The following MPPED2 variants were observed in gnomAD, a reference collection of about 807,000 sequenced individuals.
MPPED2 encodes metallophosphoesterase MPPED2.
A neutral mutation model predicts 33.0 loss-of-function variants in MPPED2; 5 were observed. The observed-to-expected ratio is 0.15, with a 90% CI of 0.08 to 0.32. The LOEUF (loss-of-function observed/expected upper bound fraction) is 0.32, where lower values mean the gene tolerates loss of function less well. Among genes scored for constraint, MPPED2 ranks in the 10% least tolerant of loss-of-function variants. The pLI, the probability that MPPED2 is intolerant of heterozygous loss-of-function variation, is 1.00. For synonymous variants in MPPED2, 136 were observed against 141.9 expected (o/e 0.96, Z 0.29); for missense variants, 275 against 372.1 (o/e 0.74, Z 2.15).
At chr11:30,417,417 T>A (rs1459931973) in intron 5 of MPPED2, 101 bp downstream of exon 5, 3 of 605,160 alleles carry the variant, frequency 5.0e-6, no homozygotes, top group Non-Finnish European at 8.7e-6. Context: ...TTCACTTTTT[T>A]TTTTTTTTTG....
intron 3 of MPPED2, among the ~76,000 whole-genome samples, chr11:30,535,745 G>A (rs1363997342): frequency 6.6e-6 from 1 of 152,132 alleles, no homozygotes; most frequent in Non-Finnish European, 1.5e-5. Context: ...GAGATGAGAT[G>A]GGTTTCAAAG....
chr11:30,549,130 G>C (rs937758231), intron 2 of MPPED2, among the ~76,000 whole-genome samples: 2 of 152,136 alleles, frequency 1.3e-5, no homozygotes, highest in African/African-American at 4.8e-5. Context: ...TTAACAGTTA[G>C]CTCCCATTCA....
intron 4 of MPPED2, chr11:30,451,915 A>C: frequency 1.0e-6 from 1 of 985,394 alleles, no homozygotes; most frequent in Non-Finnish European, 1.2e-6. Context: ...AAGTCATTTA[A>C]CCTTGATTTC....
In MPPED2 at chr11:30,411,404, T is replaced by A. The variant is rs1948096279; in HGVS notation, c.*64A>T. 1 of 1,526,788 alleles carries A rather than the reference T, an allele frequency of 6.5e-7. No individual in the cohort carries two copies. Among genetic ancestry groups the A allele is most frequent in the Non-Finnish European group, 8.8e-7 (1 of 1,130,410 alleles). The allele number at this position is 1,526,788 out of a possible 1,614,324, so 94.6% of individuals were successfully genotyped here. ...TTGTAAATAAGTAAGAGAATGTAAG[T>A]TTATAATTAGAAAAATGGCAGTTTA... is the stretch of plus-strand genomic sequence containing the variant. On this transcript the variant is annotated 3_prime_UTR_variant, in exon 7 of 7. Transcript: ENST00000358117.
In MPPED2 at chr11:30,450,062, T is replaced by G. The variant is rs191440180; in HGVS notation, c.537-32429A>C. ...ATTAAAAATATCAATTAAATCTGTA[T>G]GTTTTTTCTCCTACTAACCTTTCTA... is the stretch of plus-strand genomic sequence containing the variant. On this transcript the variant is annotated intron_variant, in intron 4 of 6. Transcript: ENST00000358117. 5.6e-3 allele frequency among the ~76,000 whole-genome samples: 856 copies of G among 152,378 alleles called. 6 individuals carry two copies. Among genetic ancestry groups the G allele is most frequent in the South Asian group, 9.7e-3 (47 of 4,828 alleles).
chr11:30,533,423 A>G (rs1954639804), intron 3 of MPPED2, among the ~76,000 whole-genome samples: 1 of 152,128 alleles, frequency 6.6e-6, no homozygotes, highest in Admixed American at 6.5e-5. Context: ...AGTGGACTCC[A>G]AATGCCTACC....
At chr11:30,389,374 C>A (rs1947743015) in intron 6 of MPPED2, among the ~76,000 whole-genome samples, 1 of 152,116 alleles carries the variant, frequency 6.6e-6, no homozygotes, top group Non-Finnish European at 1.5e-5. Context: ...AAGTGGCCAA[C>A]CCTTATATTT....
chr11:30,497,776 G>A (rs1020199938), intron 3 of MPPED2, among the ~76,000 whole-genome samples: 17 of 151,438 alleles, frequency 1.1e-4, no homozygotes, highest in Admixed American at 5.2e-4. Context: ...AGCATCTTTG[G>A]TGTCTTTTAA....
rs144230137 is a variant in MPPED2 at position 30,555,856 on chromosome 11, G to A, written c.129-19681C>T. Among the ~76,000 whole-genome samples the A allele has an allele frequency of 3.6e-3, 554 of 152,034 alleles. 1 individual carries two copies. The highest frequency in any genetic ancestry group is 0.011 in the African/African-American group (446 of 41,448). Reference sequence around the variant, plus strand: ...AAACAAATCCTCTGCACATTCCCCTGGAATCTCAAATTCTTCATTCCAGCC... The same window carrying A: ...AAACAAATCCTCTGCACATTCCCCTAGAATCTCAAATTCTTCATTCCAGCC... On this transcript the variant is annotated intron_variant, in intron 2 of 6. Coordinates refer to ENST00000358117, the MANE Select transcript of MPPED2 (RefSeq NM_001584.3).
At chr11:30,557,387 A>G (rs1440537956) in intron 2 of MPPED2, among the ~76,000 whole-genome samples, 1 of 151,934 alleles carries the variant, frequency 6.6e-6, no homozygotes, top group African/African-American at 2.4e-5. Context: ...ATTCAAATAT[A>G]CTTTGGAAAT....
intron 5 of MPPED2, among the ~76,000 whole-genome samples, chr11:30,417,086 G>A (rs1166407856): frequency 1.3e-5 from 2 of 152,118 alleles, no homozygotes; most frequent in Non-Finnish European, 2.9e-5. Flanking sequence ...AGGTCTTCCA[G>A]GTTCCAGCAT....
At position 30,411,466 on chromosome 11, in the gene MPPED2, C is replaced by T. The variant is rs765661508; in HGVS notation, c.*2G>A. 19 of 1,612,152 alleles carry T rather than the reference C, an allele frequency of 1.2e-5. No individual in the cohort carries two copies. The highest frequency in any genetic ancestry group is 1.6e-5 in the Non-Finnish European group (19 of 1,178,634). On this transcript the variant is annotated 3_prime_UTR_variant, in exon 7 of 7. Coordinates refer to ENST00000358117, the MANE Select transcript of MPPED2 (RefSeq NM_001584.3). ...TCACATTCCAATAGGGCATTTAGAG[C>T]TTCAGGAACCCTGTGGGTTTGGAAG...
chr11:30,410,380 C>G lies in MPPED2; in HGVS notation c.*1088G>C. 3 of 985,770 alleles carry G rather than the reference C, an allele frequency of 3.0e-6. No individual in the cohort carries two copies. Among genetic ancestry groups the G allele is most frequent in the Non-Finnish European group, 3.6e-6 (3 of 829,888 alleles). 61.1% of individuals were successfully genotyped at this position (985,770 alleles called of 1,614,324 possible). ...ATTTACAATGGGAAAACAGAAATGA[C>G]TATTAGCGACAATATTTTGTGCTAG... On this transcript the variant is annotated 3_prime_UTR_variant, in exon 7 of 7. Coordinates refer to ENST00000358117, the MANE Select transcript of MPPED2 (RefSeq NM_001584.3).
chr11:30,408,785 G>C (rs7942037), downstream of MPPED2, among the ~76,000 whole-genome samples: 46,912 of 152,024 alleles, frequency 0.31, 7,551 homozygotes, highest in Middle Eastern at 0.38. Flanking sequence ...GTGACCTTAC[G>C]CAGGATTCTG....
intron 4 of MPPED2, among the ~76,000 whole-genome samples, chr11:30,446,503 G>C (rs954756171): frequency 3.9e-5 from 6 of 152,066 alleles, no homozygotes; most frequent in Non-Finnish European, 7.4e-5. Context: ...ATACAAGTAA[G>C]CAGAAGAAAC....
intron 2 of MPPED2, among the ~76,000 whole-genome samples, chr11:30,547,653 T>C (rs1236763736): frequency 1.3e-5 from 2 of 152,326 alleles, no homozygotes; most frequent in East Asian, 3.9e-4. Context: ...AAATAAATTA[T>C]GTCCAGTGGA....
chr11:30,563,609 G>A (rs970861016), intron 2 of MPPED2, among the ~76,000 whole-genome samples: 2 of 152,180 alleles, frequency 1.3e-5, no homozygotes, highest in Admixed American at 6.5e-5. Flanking sequence ...AGCATGATAG[G>A]CCATTAACTA....
intron 4 of MPPED2, among the ~76,000 whole-genome samples, chr11:30,482,977 C>T (rs1001767418): frequency 2.6e-5 from 4 of 152,114 alleles, no homozygotes; most frequent in African/African-American, 9.7e-5. Flanking sequence ...TGTGATTTTC[C>T]CTTCAATAGT....
chr11:30,570,248 G>A (rs560054958), intron 2 of MPPED2, among the ~76,000 whole-genome samples: 2 of 152,062 alleles, frequency 1.3e-5, no homozygotes, highest in African/African-American at 2.4e-5. Context: ...TCTTTTCACC[G>A]TAACCTCATA....
Sources: allele counts gnomAD v4.1 joint callset (sites outside exome capture counted in the v4.1 genomes callset), GRCh38; gene constraint gnomAD v4.1.1; transcripts MANE v1.5; gene names NCBI Gene and HGNC (gene_info 2026-07-23, HGNC 2026-07-21).